Variants in MMP26 observed in about 807,000 individuals in gnomAD.
MMP26 encodes the protein matrix metallopeptidase 26.
Under a neutral mutation model 31.0 loss-of-function variants are expected in MMP26, and 33 were observed. The observed-to-expected ratio is 1.06, with a 90% confidence interval of 0.81 to 1.42. The LOEUF (loss-of-function observed/expected upper bound fraction) is 1.42, where lower values mean the gene tolerates loss of function less well. Among genes scored for constraint, MMP26 ranks in the 40% most tolerant of loss-of-function variants. The pLI, the probability that MMP26 is intolerant of heterozygous loss-of-function variation, is 0.00. For missense variants in MMP26, 347 were observed against 316.1 expected (o/e 1.10, Z -0.74); for synonymous variants, 122 against 114.9 (o/e 1.06, Z -0.40).
Position 4,954,249 on chromosome 11 carries a change from G to A in MMP26, c.-144-33819G>A, listed in dbSNP as rs371222804. 4.9e-5 allele frequency among the ~76,000 whole-genome samples: 6 copies of A among 123,246 alleles called. 2 individuals carry two copies. In the South Asian group the frequency reaches 7.4e-4, roughly 15 times the overall value. The allele number at this position is 123,246 out of a possible 152,430, so 80.9% of individuals were successfully genotyped here. The stretch of plus-strand genomic sequence containing the variant: ...TTCTAGGGTGGGGAAATGATGGGGC[G>A]GGGATTGGACTGAAAAACTATCTGT... On this transcript the variant is annotated intron_variant, in intron 2 of 7. Coordinates refer to ENST00000380390, the MANE Select transcript of MMP26 (RefSeq NM_021801.5).
chr11:4,731,399 C>A (rs1399590318), intron 1 of MMP26, among the ~76,000 whole-genome samples: 3 of 152,144 alleles, frequency 2.0e-5, no homozygotes, highest in Non-Finnish European at 4.4e-5. Flanking sequence ...TCTTTTCTCC[C>A]ATTAAATGTA....
intron 2 of MMP26, among the ~76,000 whole-genome samples, chr11:4,813,977 C>A (rs1488330597): frequency 6.6e-6 from 1 of 152,090 alleles, no homozygotes; most frequent in Non-Finnish European, 1.5e-5. Context: ...AGGGTTTAAA[C>A]AGGCCGTGTA....
intron 2 of MMP26, chr11:4,914,664 G>T: frequency 8.4e-7 from 1 of 1,196,684 alleles, no homozygotes; most frequent in South Asian, 1.4e-5. Flanking sequence ...AAATTATAAA[G>T]GATAGGCAAA....
At chr11:4,843,861 T>C (rs186136389) in intron 2 of MMP26, among the ~76,000 whole-genome samples, 8 of 152,322 alleles carry the variant, frequency 5.3e-5, no homozygotes, top group Admixed American at 5.2e-4. Context: ...GTTTCAGATA[T>C]AAGCTCTTTG....
chr11:4,782,912 C>A (rs1052515338), intron 2 of MMP26, among the ~76,000 whole-genome samples: 12 of 152,220 alleles, frequency 7.9e-5, no homozygotes, highest in African/African-American at 2.9e-4. Flanking sequence ...AAGTTAAGAA[C>A]TGAGGTTTGA....
At chr11:4,809,005 C>T (rs1252335939) in intron 2 of MMP26, among the ~76,000 whole-genome samples, 1 of 151,796 alleles carries the variant, frequency 6.6e-6, no homozygotes, top group Non-Finnish European at 1.5e-5. Context: ...TTAACCAATA[C>T]TTAGCCATTT....
At chr11:4,939,883 T>C (rs2133599560) in intron 2 of MMP26, among the ~76,000 whole-genome samples, 1 of 152,290 alleles carries the variant, frequency 6.6e-6, no homozygotes, top group East Asian at 1.9e-4. Flanking sequence ...CTGAAACTTC[T>C]TAAGCCGTAT....
chr11:4,831,742 A>C (rs1375059911), intron 2 of MMP26, among the ~76,000 whole-genome samples: 1 of 152,198 alleles, frequency 6.6e-6, no homozygotes, highest in Admixed American at 6.5e-5. Context: ...GTACATGACC[A>C]TTGACCACAT....
At chr11:4,818,617 G>A (rs12276504) in intron 2 of MMP26, among the ~76,000 whole-genome samples, 56,758 of 151,960 alleles carry the variant, frequency 0.37, 12,778 homozygotes, top group South Asian at 0.57. Context: ...TTCTTAAACT[G>A]AGAACTTAGA....
chr11:4,836,720 T>A (rs953089387), intron 2 of MMP26, among the ~76,000 whole-genome samples: 2 of 139,000 alleles, frequency 1.4e-5, no homozygotes, highest in Non-Finnish European at 3.0e-5. Flanking sequence ...AATGCAGTGG[T>A]GCAATCTCTG....
intron 1 of MMP26, among the ~76,000 whole-genome samples, chr11:4,713,282 A>G (rs1320658609): frequency 6.6e-6 from 1 of 152,130 alleles, no homozygotes; most frequent in Non-Finnish European, 1.5e-5. Flanking sequence ...TTAGATTCAA[A>G]TGACTTAGGA....
intron 2 of MMP26, among the ~76,000 whole-genome samples, chr11:4,784,808 T>A (rs1848912837): frequency 6.6e-6 from 1 of 152,178 alleles, no homozygotes; most frequent in African/African-American, 2.4e-5. Context: ...TCTTTAAAAA[T>A]TTTTACTAAT....
chr11:4,809,477 A>G (rs1035671953), intron 2 of MMP26, among the ~76,000 whole-genome samples: 2 of 152,230 alleles, frequency 1.3e-5, no homozygotes, highest in Non-Finnish European at 2.9e-5. Flanking sequence ...CTCACCCATT[A>G]TGTGAGAATA....
intron 2 of MMP26, among the ~76,000 whole-genome samples, chr11:4,942,110 A>AAAAAAAAAAAAAAAAAAAAT (rs1846218904): frequency 1.4e-5 from 2 of 138,594 alleles, no homozygotes; most frequent in East Asian, 2.1e-4. Context: ...AAAAAAAAAA[A>AAAAAAAAAAAAAAAAAAAAT]GGAAGTAAAA....
At chr11:4,894,978 T>G (rs764815268) in intron 2 of MMP26, among the ~76,000 whole-genome samples, 111 of 152,180 alleles carry the variant, frequency 7.3e-4, no homozygotes, top group Non-Finnish European at 9.0e-4. Context: ...CAAAATTACT[T>G]TGAGAATAAG....
rs1406813938 is a variant in MMP26 at position 4,907,256 on chromosome 11, T to C, written c.-144-80812T>C. The C allele has an allele frequency of 3.6e-5, 23 of 640,128 alleles. 1 individual carries two copies. Among genetic ancestry groups the C allele is most frequent in the Non-Finnish European group, 4.1e-5 (15 of 370,326 alleles). 39.7% of individuals were successfully genotyped at this position (640,128 alleles called of 1,614,324 possible). On this transcript the variant is annotated intron_variant, in intron 2 of 7. Coordinates refer to ENST00000380390, the MANE Select transcript of MMP26 (RefSeq NM_021801.5). ...ATTAGCAGCCAAATATGCCTTTGAG[T>C]ATAGTATACGAATGAACCCCTTATC...
chr11:4,848,589 A>C (rs756858870), intron 2 of MMP26: 1 of 1,605,232 alleles, frequency 6.2e-7, no homozygotes, highest in Non-Finnish European at 8.5e-7. Flanking sequence ...AACCACAAAT[A>C]GGCTGTAGGC....
At chr11:4,913,142 G>C (rs1048368915) in intron 2 of MMP26, 6 of 152,100 alleles carry the variant, frequency 3.9e-5, no homozygotes, top group Non-Finnish European at 8.8e-5. Flanking sequence ...CAACTTTGTG[G>C]CTAAATAAGC....
intron 2 of MMP26, chr11:4,769,924 C>G: frequency 6.6e-7 from 1 of 1,517,976 alleles, no homozygotes; most frequent in Non-Finnish European, 9.1e-7. Context: ...CCATGGTGTC[C>G]TGGTTTTGCA....
Sources: allele counts gnomAD v4.1 joint callset (sites outside exome capture counted in the v4.1 genomes callset), GRCh38; gene constraint gnomAD v4.1.1; transcripts MANE v1.5; gene names NCBI Gene and HGNC (gene_info 2026-07-23, HGNC 2026-07-21).